Variants in GADL1 observed in about 807,000 individuals in gnomAD.
GADL1 encodes acidic amino acid decarboxylase GADL1.
GADL1 carries 71 observed loss-of-function variants against 69.5 expected under a neutral mutation model. The observed-to-expected ratio is 1.02, with a 90% CI of 0.84 to 1.25. The LOEUF (loss-of-function observed/expected upper bound fraction) is 1.25. Among genes scored for constraint, GADL1 ranks in the 50% most tolerant of loss-of-function variants. The probability of loss-of-function intolerance (pLI) is 0.00; values close to 1 mark genes in which losing one functional copy is unlikely to be tolerated. For missense variants in GADL1, 737 were observed against 631.8 expected (o/e 1.17, Z -1.79); for synonymous variants, 254 against 214.4 (o/e 1.18, Z -1.62).
At chr3:30,838,523 T>C (rs1199283247) in intron 9 of GADL1, among the ~76,000 whole-genome samples, 2 of 152,156 alleles carry the variant, frequency 1.3e-5, no homozygotes, top group African/African-American at 2.4e-5. Flanking sequence ...GCATTGTAGC[T>C]TTTTTGCATT....
intron 11 of GADL1, among the ~76,000 whole-genome samples, chr3:30,830,305 T>C (rs532464378): frequency 1.3e-5 from 2 of 152,040 alleles, no homozygotes; most frequent in African/African-American, 4.8e-5. Flanking sequence ...CAGAAAAATA[T>C]AGTTTTCCCT....
chr3:30,873,811 G>A (rs1430691461), intron 1 of GADL1, among the ~76,000 whole-genome samples: 1 of 151,864 alleles, frequency 6.6e-6, no homozygotes, highest in African/African-American at 2.4e-5. Flanking sequence ...TAGGGCTTTG[G>A]TGAATCATTT....
chr3:30,820,507 TTAAATA>T, intron 11 of GADL1, among the ~76,000 whole-genome samples: 1 of 152,310 alleles, frequency 6.6e-6, no homozygotes, highest in Non-Finnish European at 1.5e-5. Context: ...GGTGAAGTAG[TTAAATA>T]TAAGTAAATA....
chr3:30,889,716 T>A (rs1394810319), intron 1 of GADL1, among the ~76,000 whole-genome samples: 2 of 152,172 alleles, frequency 1.3e-5, no homozygotes. Flanking sequence ...TGGAAACTAC[T>A]GAAATGTTCA....
intron 14 of GADL1, among the ~76,000 whole-genome samples, chr3:30,739,949 C>T (rs1307054416): frequency 6.6e-6 from 1 of 152,102 alleles, no homozygotes; most frequent in Non-Finnish European, 1.5e-5. Context: ...TTGATTTGCA[C>T]ATTTTGAGAA....
At chr3:30,771,579 A>C (rs1160845397) in intron 14 of GADL1, among the ~76,000 whole-genome samples, 1 of 152,232 alleles carries the variant, frequency 6.6e-6, no homozygotes, top group East Asian at 1.9e-4. Flanking sequence ...GTACAGCTTG[A>C]AAGCGAGTGA....
intron 14 of GADL1, among the ~76,000 whole-genome samples, chr3:30,759,235 C>G (rs73058824): frequency 0.038 from 5,706 of 148,566 alleles, 130 homozygotes; most frequent in Non-Finnish European, 0.058. Context: ...CTCTTTAGCT[C>G]TCACAATGAT....
At chr3:30,811,813 C>G (rs1697361309) in intron 11 of GADL1, among the ~76,000 whole-genome samples, 1 of 151,946 alleles carries the variant, frequency 6.6e-6, no homozygotes. Flanking sequence ...TTTTTTCCCC[C>G]CAAAATAACA....
intron 2 of GADL1, 51 bp downstream of exon 2, chr3:30,861,542 G>T: frequency 7.4e-7 from 1 of 1,347,802 alleles, no homozygotes; most frequent in Non-Finnish European, 1.0e-6. Flanking sequence ...CTGATTTGGG[G>T]AACATCTATC....
intron 11 of GADL1, among the ~76,000 whole-genome samples, chr3:30,814,354 T>C (rs1347845895): frequency 6.6e-6 from 1 of 152,180 alleles, no homozygotes; most frequent in Non-Finnish European, 1.5e-5. Flanking sequence ...AACCCACATC[T>C]CTGGATGTTC....
chr3:30,801,532 G>T (rs1697165536), intron 11 of GADL1, among the ~76,000 whole-genome samples: 1 of 152,020 alleles, frequency 6.6e-6, no homozygotes, highest in Non-Finnish European at 1.5e-5. Context: ...CATTTGAAAA[G>T]GCTAGACCCA....
At chr3:30,858,806 C>G (rs768330366) in intron 2 of GADL1, among the ~76,000 whole-genome samples, 2 of 151,924 alleles carry the variant, frequency 1.3e-5, no homozygotes, top group Non-Finnish European at 2.9e-5. Flanking sequence ...CAGAGAGAAC[C>G]TACAGCAGGG....
At chr3:30,773,905 A>G (rs967272136) in intron 14 of GADL1, among the ~76,000 whole-genome samples, 1 of 152,204 alleles carries the variant, frequency 6.6e-6, no homozygotes, top group Non-Finnish European at 1.5e-5. Context: ...CCTGACGCTC[A>G]CCAACAGTAG....
At chr3:30,827,891 C>T (rs1697710035) in intron 11 of GADL1, among the ~76,000 whole-genome samples, 1 of 151,878 alleles carries the variant, frequency 6.6e-6, no homozygotes. Context: ...TGATCTCTCT[C>T]CTACAAGTCA....
intron 11 of GADL1, among the ~76,000 whole-genome samples, chr3:30,812,261 CAA>C (rs1407670978): frequency 2.0e-5 from 3 of 152,202 alleles, no homozygotes; most frequent in East Asian, 1.9e-4. Context: ...TATGTACAAA[CAA>C]AACCAAGAAC....
intron 6 of GADL1, among the ~76,000 whole-genome samples, chr3:30,847,256 A>C (rs527707756): frequency 2.6e-5 from 4 of 152,184 alleles, no homozygotes; most frequent in Admixed American, 6.5e-5. Flanking sequence ...GCAGGTCTTT[A>C]TCAATAGTAA....
chr3:30,759,836 T>G (rs1301848038), intron 14 of GADL1, among the ~76,000 whole-genome samples: 1 of 152,170 alleles, frequency 6.6e-6, no homozygotes, highest in African/African-American at 2.4e-5. Flanking sequence ...GTTATGAGAT[T>G]CACTATGGCC....
chr3:30,765,664 A>G (rs1350822614), intron 14 of GADL1, among the ~76,000 whole-genome samples: 1 of 152,142 alleles, frequency 6.6e-6, no homozygotes, highest in East Asian at 1.9e-4. Flanking sequence ...ATTTTGAAAC[A>G]AGGAGCCCCA....
chr3:30,853,084 T>C (rs1016339151), intron 4 of GADL1, among the ~76,000 whole-genome samples: 1 of 152,062 alleles, frequency 6.6e-6, no homozygotes, highest in Non-Finnish European at 1.5e-5. Flanking sequence ...ACAGCTAGCC[T>C]TTTGTTTTTT....
Sources: gnomAD v4.1 joint callset for allele counts (sites outside exome capture counted in the v4.1 genomes callset) on GRCh38, gnomAD v4.1.1 for gene constraint, MANE v1.5 for transcripts, NCBI Gene and HGNC (gene_info 2026-07-23, HGNC 2026-07-21) for gene names.